ANTXR1: variants seen among roughly 807,000 people sequenced by gnomAD.
ANTXR1 encodes the protein ANTXR cell adhesion molecule 1.
A neutral mutation model predicts 78.1 loss-of-function variants in ANTXR1; 19 were observed. That is an observed-to-expected ratio of 0.24 (90% CI 0.17 to 0.36). The LOEUF is 0.36. ANTXR1 is among the 10% of genes least tolerant of loss of function. The pLI is 1.00. For synonymous variants in ANTXR1, 273 were observed against 260.5 expected (o/e 1.05, Z -0.46); for missense variants, 518 against 718.6 (o/e 0.72, Z 3.19).
chr2:69,122,999 G>A lies in ANTXR1; in HGVS notation c.803-18G>A. The A allele has an allele frequency of 1.9e-6, 3 of 1,612,956 alleles. No individual in the cohort carries two copies. Among genetic ancestry groups the A allele is most frequent in the Admixed American group, 3.3e-5 (2 of 60,022 alleles). On this transcript the variant is annotated intron_variant, in intron 10 of 17. Transcript: ENST00000303714. ...AACTCACCTCCCTCTTCTTAATCCA[G>A]TGATTTCCTTTTTGCAGATGAGAAG...
intron 17 of ANTXR1, among the ~76,000 whole-genome samples, chr2:69,214,201 A>C (rs1479212587): frequency 6.6e-6 from 1 of 152,254 alleles, no homozygotes; most frequent in Non-Finnish European, 1.5e-5. Context: ...TGGAATCCCC[A>C]GGTTAAGGAA....
At chr2:69,100,134 G>C (rs1295264177) in intron 9 of ANTXR1, among the ~76,000 whole-genome samples, 1 of 152,212 alleles carries the variant, frequency 6.6e-6, no homozygotes, top group Non-Finnish European at 1.5e-5. Flanking sequence ...ATTTTGAAAG[G>C]TGGGTTCAGG....
chr2:69,151,489 A>G (rs1347594044), intron 12 of ANTXR1, among the ~76,000 whole-genome samples: 3 of 152,182 alleles, frequency 2.0e-5, no homozygotes, highest in Non-Finnish European at 4.4e-5. Context: ...TAGACATCGC[A>G]GTCCACAGAA....
intron 17 of ANTXR1, among the ~76,000 whole-genome samples, chr2:69,237,896 G>A (rs1336477254): frequency 1.3e-5 from 2 of 152,108 alleles, no homozygotes; most frequent in African/African-American, 4.8e-5. Context: ...ATTTTACATG[G>A]AAAGCCAAAA....
chr2:69,064,264 A>G (rs1408984991), intron 3 of ANTXR1, among the ~76,000 whole-genome samples: 1 of 152,190 alleles, frequency 6.6e-6, no homozygotes, highest in Non-Finnish European at 1.5e-5. Flanking sequence ...CAGCTTATAT[A>G]TAGGATTCAG....
At chr2:69,196,462 G>T (rs1674670254) in intron 17 of ANTXR1, among the ~76,000 whole-genome samples, 1 of 152,232 alleles carries the variant, frequency 6.6e-6, no homozygotes, top group Non-Finnish European at 1.5e-5. Flanking sequence ...CACAGATGAG[G>T]TAAGAACCAG....
chr2:69,098,823 T>TA (rs1008028703), intron 9 of ANTXR1, among the ~76,000 whole-genome samples: 5 of 152,032 alleles, frequency 3.3e-5, no homozygotes, highest in African/African-American at 1.2e-4. Flanking sequence ...CCGTGTCTAC[T>TA]AAAAATACAA....
chr2:69,074,484 A>G (rs1370111996), intron 6 of ANTXR1, among the ~76,000 whole-genome samples: 1 of 152,226 alleles, frequency 6.6e-6, no homozygotes, highest in Non-Finnish European at 1.5e-5. Context: ...TCAGAGTGCC[A>G]GTAGAAGGAG....
At chr2:69,212,431 G>A (rs1483840832) in intron 17 of ANTXR1, among the ~76,000 whole-genome samples, 1 of 152,190 alleles carries the variant, frequency 6.6e-6, no homozygotes, top group Admixed American at 6.5e-5. Flanking sequence ...AGGTGTTCCT[G>A]GCACCATGCC....
intron 14 of ANTXR1, among the ~76,000 whole-genome samples, chr2:69,171,424 G>A (rs754019092): frequency 2.0e-5 from 3 of 152,208 alleles, no homozygotes; most frequent in Admixed American, 6.5e-5. Flanking sequence ...AGAAAGTACC[G>A]TGGCTAGTTC....
chr2:69,085,179 ATGTGCT>A (rs1462092762), intron 8 of ANTXR1, among the ~76,000 whole-genome samples: 3 of 152,112 alleles, frequency 2.0e-5, no homozygotes, highest in African/African-American at 7.2e-5. Flanking sequence ...GGCTTATCCA[ATGTGCT>A]TTCTGCCATC....
At position 69,124,401 on chromosome 2, in the gene ANTXR1, C is replaced by T. The variant is rs138599780; in HGVS notation, c.873-164C>T. 2.0e-4 allele frequency among the ~76,000 whole-genome samples: 31 copies of T among 152,308 alleles called. 1 individual carries two copies. In the East Asian group the frequency reaches 5.2e-3, roughly 26 times the overall value. On this transcript the variant is annotated intron_variant, in intron 11 of 17. Coordinates refer to ENST00000303714, the MANE Select transcript of ANTXR1 (RefSeq NM_032208.3). Reference sequence around the variant, plus strand: ...GATGGGCTATACAGACTACCCCCGACATTTTACAAAAGAGGAAACTCAGAC... The same window carrying T: ...GATGGGCTATACAGACTACCCCCGATATTTTACAAAAGAGGAAACTCAGAC...
At chr2:69,125,241 C>T (rs1173255622) in intron 12 of ANTXR1, among the ~76,000 whole-genome samples, 2 of 152,196 alleles carry the variant, frequency 1.3e-5, no homozygotes, top group African/African-American at 2.4e-5. Context: ...ACTGCATTCT[C>T]TCTCCCAGCT....
intron 17 of ANTXR1, among the ~76,000 whole-genome samples, chr2:69,233,100 T>G: frequency 6.6e-6 from 1 of 152,142 alleles, no homozygotes; most frequent in East Asian, 1.9e-4. Flanking sequence ...TCAATATCTG[T>G]GGCAAAAATT....
chr2:69,028,376 A>G (rs1381172575), intron 1 of ANTXR1, among the ~76,000 whole-genome samples: 1 of 152,244 alleles, frequency 6.6e-6, no homozygotes, highest in African/African-American at 2.4e-5. Flanking sequence ...GGCTCTGAAC[A>G]TTAAATGGTG....
chr2:69,248,211 GTTT>G lies in ANTXR1; in HGVS notation c.*2735_*2737del, dbSNP rs57223047. 6.3e-6 allele frequency: 1 copy of G among 157,588 alleles called. No individual in the cohort carries two copies. The highest frequency in any genetic ancestry group is 1.5e-5 in the Non-Finnish European group (1 of 66,354). 9.8% of individuals were successfully genotyped at this position (157,588 alleles called of 1,614,324 possible). A position where few individuals can be genotyped will look rare whatever the true frequency, so the allele number is the denominator to read the frequency against. On this transcript the variant is annotated 3_prime_UTR_variant, in exon 18 of 18. Coordinates refer to ENST00000303714, the MANE Select transcript of ANTXR1 (RefSeq NM_032208.3). ...CCCCGTGTTATTGTCCTTTTGAACTGTTTTTTTTTTTATTAAAGCCAAATTTGT... is the reference window on the plus strand; with the variant it reads ...CCCCGTGTTATTGTCCTTTTGAACTGTTTTTTTTATTAAAGCCAAATTTGT...
At chr2:69,182,928 T>G in intron 16 of ANTXR1, 1 of 475,792 alleles carries the variant, frequency 2.1e-6, no homozygotes. Context: ...TAGAGAAGAT[T>G]AGCATGACCC....
Position 69,028,785 on chromosome 2 carries a change from C to T in ANTXR1, c.153-11259C>T, listed in dbSNP as rs561759451. 3.9e-5 allele frequency among the ~76,000 whole-genome samples: 6 copies of T among 152,094 alleles called. No individual in the cohort carries two copies. The South Asian group carries it at 1.0e-3, about 26-fold the overall frequency. ...TAAGAAGCTTTGGGGGAAAAAAATA[C>T]ACTGTTTCTGAATATTCAAATCCAT... is the stretch of plus-strand genomic sequence containing the variant. On this transcript the variant is annotated intron_variant, in intron 1 of 17. Transcript: ENST00000303714.
At chr2:69,229,840 A>G (rs1675545856) in intron 17 of ANTXR1, among the ~76,000 whole-genome samples, 1 of 152,036 alleles carries the variant, frequency 6.6e-6, no homozygotes. Flanking sequence ...AGTAATTGCT[A>G]CACTGCTTGG....
Sources: allele counts gnomAD v4.1 joint callset (sites outside exome capture counted in the v4.1 genomes callset), GRCh38; gene constraint gnomAD v4.1.1; transcripts MANE v1.5; gene names NCBI Gene and HGNC (gene_info 2026-07-23, HGNC 2026-07-21).